Variants in ARHGEF7 observed in about 807,000 individuals in gnomAD.
ARHGEF7 encodes the protein PAK-interacting exchange factor beta.
ARHGEF7 carries 33 observed loss-of-function variants against 109.8 expected under a neutral mutation model. The ratio of observed to expected loss-of-function variants is 0.30; its 90% CI spans 0.23 to 0.40. The LOEUF (loss-of-function observed/expected upper bound fraction) is 0.40, where lower values mean the gene tolerates loss of function less well. Ranked by LOEUF, ARHGEF7 falls within the 10% of genes least tolerant of loss-of-function variation. The pLI is 1.00. For missense variants in ARHGEF7, 938 were observed against 1,098.5 expected (o/e 0.85, Z 2.07); for synonymous variants, 458 against 424.6 (o/e 1.08, Z -0.97).
chr13:111,118,474 G>T (rs960876767), intron 1 of ARHGEF7, among the ~76,000 whole-genome samples: 1 of 152,112 alleles, frequency 6.6e-6, no homozygotes, highest in African/African-American at 2.4e-5. Context: ...GAGGAAAATG[G>T]GATTAAAAAG....
At chr13:111,211,121 G>A (rs969801897) in intron 4 of ARHGEF7, among the ~76,000 whole-genome samples, 3 of 152,166 alleles carry the variant, frequency 2.0e-5, no homozygotes, top group Non-Finnish European at 4.4e-5. Context: ...CGTGGTGGGC[G>A]GTGGGCTGCA....
intron 2 of ARHGEF7, among the ~76,000 whole-genome samples, chr13:111,156,467 T>C (rs2076345654): frequency 6.6e-6 from 1 of 152,240 alleles, no homozygotes; most frequent in African/African-American, 2.4e-5. Context: ...TGTAATTACC[T>C]AGGAGATAAT....
chr13:111,249,071 G>A (rs759703649), intron 8 of ARHGEF7, among the ~76,000 whole-genome samples: 8 of 152,162 alleles, frequency 5.3e-5, no homozygotes, highest in South Asian at 2.1e-4. Context: ...CTGTTCTGCC[G>A]TCAGCCAGAG....
chr13:111,222,576 C>T (rs571814671), intron 5 of ARHGEF7, among the ~76,000 whole-genome samples: 8 of 152,116 alleles, frequency 5.3e-5, no homozygotes, highest in Admixed American at 1.3e-4. Context: ...ATTATAGGCA[C>T]GTGCCACCAT....
chr13:111,170,453 T>C (rs1429722923), intron 2 of ARHGEF7, among the ~76,000 whole-genome samples: 1 of 152,258 alleles, frequency 6.6e-6, no homozygotes, highest in African/African-American at 2.4e-5. Flanking sequence ...TGCTCTTCTG[T>C]TGACCATTTT....
intron 2 of ARHGEF7, among the ~76,000 whole-genome samples, chr13:111,178,332 A>C (rs900637585): frequency 6.6e-6 from 1 of 152,244 alleles, no homozygotes; most frequent in African/African-American, 2.4e-5. Flanking sequence ...TTAGATGTGC[A>C]GTCTACATTT....
upstream of ARHGEF7, chr13:111,115,020 C>G (rs1324357451): frequency 1.3e-5 from 2 of 151,804 alleles, no homozygotes; most frequent in Admixed American, 6.6e-5. Context: ...CCGAGTGCCC[C>G]GGCCAGGGGC....
chr13:111,174,189 A>G (rs2077881749), intron 2 of ARHGEF7, among the ~76,000 whole-genome samples: 1 of 152,258 alleles, frequency 6.6e-6, no homozygotes, highest in African/African-American at 2.4e-5. Context: ...AATATTTTAT[A>G]GAGACTGCTG....
intron 8 of ARHGEF7, among the ~76,000 whole-genome samples, chr13:111,251,396 AG>A (rs984051350): frequency 2.6e-5 from 4 of 152,162 alleles, no homozygotes; most frequent in Non-Finnish European, 5.9e-5. Flanking sequence ...ATTGGATCTT[AG>A]GTGACTGTCA....
intron 8 of ARHGEF7, chr13:111,265,624 T>C (rs1361272545): frequency 2.2e-6 from 1 of 456,670 alleles, no homozygotes; most frequent in Non-Finnish European, 4.4e-6. Flanking sequence ...GCAGACACAT[T>C]TGGGAGCCAG....
chr13:111,226,430 C>G (rs1030808098), intron 5 of ARHGEF7, among the ~76,000 whole-genome samples: 1 of 152,148 alleles, frequency 6.6e-6, no homozygotes, highest in Non-Finnish European at 1.5e-5. Context: ...GAGTTGAAGC[C>G]AATTCTCATT....
chr13:111,232,385 G>T (rs55721098), intron 5 of ARHGEF7, among the ~76,000 whole-genome samples: 1 of 152,032 alleles, frequency 6.6e-6, no homozygotes, highest in Non-Finnish European at 1.5e-5. Flanking sequence ...CACAGCCAGC[G>T]ATGGACACAC....
chr13:111,280,169 C>T, intron 13 of ARHGEF7, 103 bp from the exon 14 acceptor site: 2 of 1,220,574 alleles, frequency 1.6e-6, no homozygotes, highest in Non-Finnish European at 1.1e-6. Flanking sequence ...AAACACAGTT[C>T]CTCCACCAAT....
chr13:111,224,334 G>C (rs2084899792), intron 5 of ARHGEF7, among the ~76,000 whole-genome samples: 1 of 152,186 alleles, frequency 6.6e-6, no homozygotes, highest in South Asian at 2.1e-4. Flanking sequence ...TAGAAGTGGA[G>C]GCACTCAGCT....
intron 2 of ARHGEF7, among the ~76,000 whole-genome samples, chr13:111,166,543 G>A (rs982904230): frequency 6.6e-6 from 1 of 152,360 alleles, no homozygotes; most frequent in African/African-American, 2.4e-5. Context: ...CCACAGTCCC[G>A]TCAGCATAGG....
At chr13:111,218,755 T>C (rs2083444406) in intron 5 of ARHGEF7, among the ~76,000 whole-genome samples, 1 of 151,988 alleles carries the variant, frequency 6.6e-6, no homozygotes, top group African/African-American at 2.4e-5. Flanking sequence ...TCTTGTGGGG[T>C]TGAATTGTTA....
chr13:111,264,691 A>G (rs2091437315), intron 8 of ARHGEF7, among the ~76,000 whole-genome samples: 1 of 152,194 alleles, frequency 6.6e-6, no homozygotes, highest in Non-Finnish European at 1.5e-5. Context: ...ACAGTTAAAT[A>G]TTGAAGGAGG....
At chr13:111,218,245 T>C (rs922174434) in intron 5 of ARHGEF7, among the ~76,000 whole-genome samples, 4 of 152,132 alleles carry the variant, frequency 2.6e-5, no homozygotes, top group African/African-American at 9.7e-5. Context: ...TTTGTGACTA[T>C]GGGTGGTACT....
intron 1 of ARHGEF7, among the ~76,000 whole-genome samples, chr13:111,142,722 C>T (rs2075404096): frequency 6.6e-6 from 1 of 152,216 alleles, no homozygotes; most frequent in Non-Finnish European, 1.5e-5. Context: ...TCAGCTGTTT[C>T]CAGTCCCCTT....
Sources: gnomAD v4.1 joint callset for allele counts (sites outside exome capture counted in the v4.1 genomes callset) on GRCh38, gnomAD v4.1.1 for gene constraint, MANE v1.5 for transcripts, NCBI Gene and HGNC (gene_info 2026-07-23, HGNC 2026-07-21) for gene names.